The following ADGRL2 variants were observed in gnomAD, a reference collection of about 807,000 sequenced individuals.
ADGRL2 encodes calcium-independent alpha-latrotoxin receptor 2.
A neutral mutation model predicts 157.4 loss-of-function variants in ADGRL2; 44 were observed. The observed-to-expected ratio is 0.28, with a 90% CI of 0.22 to 0.36. The LOEUF is 0.36. Ranked by LOEUF, ADGRL2 falls within the 10% of genes least tolerant of loss-of-function variation. ADGRL2 has a pLI of 1.00. For missense variants in ADGRL2, 1,510 were observed against 1,768.9 expected (o/e 0.85, Z 2.63); for synonymous variants, 585 against 624.7 (o/e 0.94, Z 0.95).
At chr1:81,713,051 C>G (rs745324419) in intron 1 of ADGRL2, among the ~76,000 whole-genome samples, 9 of 152,030 alleles carry the variant, frequency 5.9e-5, no homozygotes, top group Non-Finnish European at 1.0e-4. Flanking sequence ...AGCCACCATG[C>G]CCGGCTTGAG....
intron 1 of ADGRL2, among the ~76,000 whole-genome samples, chr1:81,328,191 A>T (rs879378826): frequency 7.2e-5 from 11 of 152,164 alleles, no homozygotes; most frequent in Non-Finnish European, 1.5e-4. Flanking sequence ...TCTTTACAGT[A>T]AGCTTCAAAA....
intron 2 of ADGRL2, among the ~76,000 whole-genome samples, chr1:81,517,264 A>G (rs1364346377): frequency 6.6e-6 from 1 of 151,962 alleles, no homozygotes; most frequent in Non-Finnish European, 1.5e-5. Flanking sequence ...CAAGGTCCAG[A>G]GTTCAAGACC....
chr1:81,364,916 G>C (rs1175840799), intron 1 of ADGRL2, among the ~76,000 whole-genome samples: 1 of 152,050 alleles, frequency 6.6e-6, no homozygotes, highest in Non-Finnish European at 1.5e-5. Context: ...CACACACCTA[G>C]GCCTCCCAAA....
At chr1:81,746,977 C>CACGTGTGTATAAT (rs1553148524) in intron 1 of ADGRL2, among the ~76,000 whole-genome samples, 4 of 147,368 alleles carry the variant, frequency 2.7e-5, no homozygotes, top group Non-Finnish European at 3.0e-5. Context: ...CACGTATACA[C>CACGTGTGTATAAT]ACGTGTGTAT....
chr1:81,649,699 A>T (rs1321443617), intron 3 of ADGRL2, among the ~76,000 whole-genome samples: 1 of 152,166 alleles, frequency 6.6e-6, no homozygotes, highest in Non-Finnish European at 1.5e-5. Flanking sequence ...ACAACCCCTG[A>T]GGGAGCTTTA....
At chr1:81,511,151 C>A (rs1385147606) in intron 2 of ADGRL2, among the ~76,000 whole-genome samples, 2 of 151,936 alleles carry the variant, frequency 1.3e-5, no homozygotes, top group Non-Finnish European at 2.9e-5. Context: ...TCTTATTTAG[C>A]TACAACCAGA....
chr1:81,449,407 C>T (rs2077664234), intron 2 of ADGRL2, among the ~76,000 whole-genome samples: 1 of 152,178 alleles, frequency 6.6e-6, no homozygotes, highest in South Asian at 2.1e-4. Flanking sequence ...GCAGGTGAAT[C>T]CTAAGAAGTC....
At chr1:81,381,441 G>A (rs2076342894) in intron 1 of ADGRL2, among the ~76,000 whole-genome samples, 1 of 152,104 alleles carries the variant, frequency 6.6e-6, no homozygotes, top group African/African-American at 2.4e-5. Context: ...AGCTAGGCAT[G>A]GTGGCACACC....
intron 2 of ADGRL2, among the ~76,000 whole-genome samples, chr1:81,561,879 G>T (rs182293365): frequency 3.7e-4 from 57 of 152,210 alleles, no homozygotes; most frequent in Admixed American, 9.2e-4. Context: ...AACATACAAA[G>T]CTTAGAAGAG....
intron 2 of ADGRL2, among the ~76,000 whole-genome samples, chr1:81,767,548 T>G (rs1240967099): frequency 2.6e-5 from 4 of 152,102 alleles, no homozygotes; most frequent in Non-Finnish European, 5.9e-5. Context: ...AGGATGAGGT[T>G]AAAAGATCAG....
chr1:81,424,083 G>T (rs2077171081), intron 1 of ADGRL2, among the ~76,000 whole-genome samples: 1 of 152,120 alleles, frequency 6.6e-6, no homozygotes, highest in Non-Finnish European at 1.5e-5. Flanking sequence ...TTCATTTCTG[G>T]AGTAAGATTA....
chr1:81,888,232 T>C (rs2094172987), intron 2 of ADGRL2, among the ~76,000 whole-genome samples: 1 of 152,130 alleles, frequency 6.6e-6, no homozygotes, highest in Non-Finnish European at 1.5e-5. Context: ...AAGAGTGAAA[T>C]ACAACTCTTT....
intron 1 of ADGRL2, among the ~76,000 whole-genome samples, chr1:81,429,956 C>T (rs937528237): frequency 1.3e-5 from 2 of 152,116 alleles, no homozygotes; most frequent in Non-Finnish European, 2.9e-5. Context: ...GGCAATGGCG[C>T]GATCTTGGCT....
rs768181383 is a variant in ADGRL2, at chr1:81,784,123, TA to T, written c.-101+22279del. 2.0e-5 allele frequency among the ~76,000 whole-genome samples: 3 copies of T among 151,954 alleles called. No homozygotes were observed. The East Asian group carries it at 5.8e-4, about 29-fold the overall frequency. The stretch of plus-strand genomic sequence containing the variant: ...TTAAGTTATGTTGCTTTTCTAAAAA[TA>T]AAAAAAAGCATCTTAATATTAACAT... On this transcript the variant is annotated intron_variant, in intron 2 of 20. Coordinates refer to the ADGRL2 transcript ENST00000359929.
intron 1 of ADGRL2, among the ~76,000 whole-genome samples, chr1:81,381,965 T>C (rs890807773): frequency 6.6e-6 from 1 of 152,190 alleles, no homozygotes; most frequent in Non-Finnish European, 1.5e-5. Flanking sequence ...ATGCCCTTCG[T>C]TGTTTGTGAT....
At chr1:81,843,374 A>G (rs999248514) in intron 2 of ADGRL2, among the ~76,000 whole-genome samples, 2 of 152,112 alleles carry the variant, frequency 1.3e-5, no homozygotes, top group Admixed American at 6.5e-5. Context: ...CTTGTGATCT[A>G]CTTGCCTTGG....
At chr1:81,914,785 T>C (rs1263939676) in intron 3 of ADGRL2, among the ~76,000 whole-genome samples, 1 of 152,208 alleles carries the variant, frequency 6.6e-6, no homozygotes, top group Non-Finnish European at 1.5e-5. Context: ...GCCAGTCTAC[T>C]AATATAGATT....
chr1:81,493,479 G>A (rs1485277741), intron 2 of ADGRL2, among the ~76,000 whole-genome samples: 1 of 151,950 alleles, frequency 6.6e-6, no homozygotes, highest in Non-Finnish European at 1.5e-5. Context: ...CCTATTTTTA[G>A]GCCTATTTCT....
At chr1:81,814,380 G>A (rs1047124934) in intron 1 of ADGRL2, among the ~76,000 whole-genome samples, 1 of 151,378 alleles carries the variant, frequency 6.6e-6, no homozygotes, top group African/African-American at 2.4e-5. Context: ...AGAGTATTAT[G>A]TATTAAGAGG....
Sources: allele counts gnomAD v4.1 joint callset (sites outside exome capture counted in the v4.1 genomes callset), GRCh38; gene constraint gnomAD v4.1.1; transcripts MANE v1.5; gene names NCBI Gene and HGNC (gene_info 2026-07-23, HGNC 2026-07-21).